Variants in ADGRG6 observed in about 807,000 individuals in gnomAD.
The protein encoded by ADGRG6 is G-protein coupled receptor 126.
Under a neutral mutation model 142.4 loss-of-function variants are expected in ADGRG6, and 84 were observed. That is an observed-to-expected ratio of 0.59 (90% CI 0.49 to 0.71). ADGRG6 has a LOEUF of 0.71. Ranked by LOEUF, ADGRG6 falls within the 30% of genes least tolerant of loss-of-function variation. The pLI, the probability that ADGRG6 is intolerant of heterozygous loss-of-function variation, is 0.00. For missense variants in ADGRG6, 1,367 were observed against 1,466.6 expected, an observed-to-expected ratio of 0.93 and a Z score of 1.11; for synonymous variants, 521 against 520.5, an observed-to-expected ratio of 1.00 and a Z score of -0.01.
At position 142,309,559 on chromosome 6, in the gene ADGRG6, T is replaced by A; in HGVS notation, c.18T>A (p.Asp6Glu). ...TTCTTTGCAGGATGTTTCGCTCAGA[T>A]CGAATGTGGAGCTGCCATTGGAAAT... The part of the protein sequence containing the change: MMFRS[D>E]RMWSCHWKWK... The change falls in exon 2 of 25, where the codon GAT (aspartate) becomes GAA (glutamate). Residue 6 changes from aspartate (D) to glutamate (E), a missense_variant. By Grantham distance (45) the Asp-to-Glu change is conservative. This residue lies in a region of ADGRG6 where 737 missense variants were observed against 746.5 expected (regional missense o/e 0.99). Coordinates refer to ENST00000367609, the MANE Select transcript of ADGRG6 (RefSeq NM_198569.3). 6.2e-7 allele frequency: 1 copy of A among 1,608,724 alleles called. No individual in the cohort carries two copies. Among genetic ancestry groups the A allele is most frequent in the Non-Finnish European group, 8.5e-7 (1 of 1,176,972 alleles).
chr6:142,319,681 A>G (rs997726585), intron 2 of ADGRG6, among the ~76,000 whole-genome samples: 23 of 152,044 alleles, frequency 1.5e-4, no homozygotes, highest in Admixed American at 5.2e-4. Flanking sequence ...AAATTTTTCC[A>G]TAAGACAGTT....
intron 4 of ADGRG6, among the ~76,000 whole-genome samples, chr6:142,376,528 A>G (rs962670263): frequency 2.0e-5 from 3 of 152,096 alleles, no homozygotes; most frequent in Admixed American, 2.0e-4. Flanking sequence ...AGGTTTCATC[A>G]ACTCTTGGAT....
At chr6:142,325,648 G>A (rs1026231259) in intron 2 of ADGRG6, among the ~76,000 whole-genome samples, 3 of 151,996 alleles carry the variant, frequency 2.0e-5, no homozygotes, top group Non-Finnish European at 4.4e-5. Context: ...CAAAATACCT[G>A]TAACCATAGC....
At chr6:142,325,623 C>G (rs965959860) in intron 2 of ADGRG6, among the ~76,000 whole-genome samples, 2 of 151,880 alleles carry the variant, frequency 1.3e-5, no homozygotes, top group African/African-American at 4.8e-5. Flanking sequence ...GTATCTGTGC[C>G]CTGTTCTTTA....
chr6:142,430,125 G>A (rs1362183175), intron 22 of ADGRG6, among the ~76,000 whole-genome samples: 1 of 152,114 alleles, frequency 6.6e-6, no homozygotes, highest in Non-Finnish European at 1.5e-5. Context: ...TAAAACACCA[G>A]TCATTACTAC....
intron 9 of ADGRG6, among the ~76,000 whole-genome samples, chr6:142,397,242 A>T (rs1246845604): frequency 3.4e-5 from 5 of 146,968 alleles, no homozygotes; most frequent in African/African-American, 1.4e-4. Context: ...TAGTTTTATT[A>T]AAAAAAATTA....
At chr6:142,358,198 G>A (rs1371963919) in intron 2 of ADGRG6, among the ~76,000 whole-genome samples, 1 of 152,192 alleles carries the variant, frequency 6.6e-6, no homozygotes, top group Non-Finnish European at 1.5e-5. Flanking sequence ...GTTCCACCCT[G>A]CAATGCTGCC....
intron 11 of ADGRG6, 100 bp from the exon 12 acceptor site, chr6:142,401,894 C>T (rs1220235845): frequency 1.7e-6 from 1 of 588,300 alleles, no homozygotes; most frequent in East Asian, 3.0e-5. Flanking sequence ...GTCCATTGAT[C>T]ATATTGTAAT....
At chr6:142,422,524 A>G (rs1212834586) in intron 22 of ADGRG6, among the ~76,000 whole-genome samples, 13 of 151,088 alleles carry the variant, frequency 8.6e-5, no homozygotes, top group South Asian at 4.2e-4. Flanking sequence ...ATAGTACTCC[A>G]TGGTGTATAT....
chr6:142,312,377 CCTT>C (rs1213193142), intron 2 of ADGRG6, among the ~76,000 whole-genome samples: 3 of 151,916 alleles, frequency 2.0e-5, no homozygotes, highest in African/African-American at 7.2e-5. Context: ...AGTTTTGTGA[CCTT>C]CTGGATTTTC....
chr6:142,318,647 T>G (rs1778363899), intron 2 of ADGRG6, among the ~76,000 whole-genome samples: 1 of 151,566 alleles, frequency 6.6e-6, no homozygotes, highest in Non-Finnish European at 1.5e-5. Context: ...ATGTTAAAAC[T>G]GTGTCTTCTG....
intron 2 of ADGRG6, among the ~76,000 whole-genome samples, chr6:142,362,603 T>C (rs113763982): frequency 6.6e-5 from 10 of 152,320 alleles, no homozygotes; most frequent in African/African-American, 2.4e-4. Flanking sequence ...CACAGCCAGA[T>C]TGCCTTGGAT....
At chr6:142,400,243 T>C (rs375132551) in intron 10 of ADGRG6, among the ~76,000 whole-genome samples, 6 of 152,220 alleles carry the variant, frequency 3.9e-5, no homozygotes, top group African/African-American at 1.4e-4. Context: ...TAACTGTGTT[T>C]TTTACTTAAG....
In ADGRG6 at chr6:142,415,911, C is replaced by A; in HGVS notation, c.2785C>A (p.Leu929Ile). ...GATCACCTCCTTCAATGTGGATGGA[C>A]TTTGCATTGCTGTTGCAGTCCTGTT... ...GWITSFNVDG[L>I]CIAVAVLLHF... The change falls in exon 20 of 25, where the codon CTT (leucine) becomes ATT (isoleucine). Residue 929 changes from leucine (L) to isoleucine (I), a missense_variant. Physicochemically the swap from Leu to Ile is conservative, Grantham distance 5 (BLOSUM62 2). Around this residue, in one of 3 missense-constraint regions of ADGRG6, gnomAD observed 286 missense variants for 371.4 expected, o/e 0.77. Coordinates refer to ENST00000367609, the MANE Select transcript of ADGRG6 (RefSeq NM_198569.3). The A allele has an allele frequency of 6.2e-7, 1 of 1,613,596 alleles. No individual in the cohort carries two copies. Among genetic ancestry groups the A allele is most frequent in the Admixed American group, 1.7e-5 (1 of 59,958 alleles).
intron 2 of ADGRG6, among the ~76,000 whole-genome samples, chr6:142,326,363 T>C (rs113367813): frequency 3.3e-3 from 507 of 152,162 alleles, no homozygotes; most frequent in Non-Finnish European, 5.7e-3. Context: ...TTCCCTTTCC[T>C]TTCTGCAAAA....
intron 2 of ADGRG6, among the ~76,000 whole-genome samples, chr6:142,329,980 T>G (rs1387366102): frequency 6.6e-6 from 1 of 152,138 alleles, no homozygotes; most frequent in African/African-American, 2.4e-5. Flanking sequence ...GTTGTGTGCT[T>G]CTTTATTTTA....
intron 22 of ADGRG6, among the ~76,000 whole-genome samples, chr6:142,431,998 A>G (rs561957843): frequency 4.4e-4 from 67 of 152,276 alleles, no homozygotes; most frequent in African/African-American, 1.4e-3. Context: ...GAACTCTATT[A>G]AAGTTTGTGA....
intron 2 of ADGRG6, among the ~76,000 whole-genome samples, chr6:142,321,474 A>G (rs899123938): frequency 5.3e-5 from 8 of 152,096 alleles, no homozygotes; most frequent in Non-Finnish European, 4.4e-5. Context: ...GTAAATACAT[A>G]AACAGATTTT....
intron 2 of ADGRG6, among the ~76,000 whole-genome samples, chr6:142,312,047 T>A (rs1777794083): frequency 6.6e-6 from 1 of 151,970 alleles, no homozygotes; most frequent in Non-Finnish European, 1.5e-5. Context: ...TACCACCTCA[T>A]GTAATCCTTC....
Sources: gnomAD v4.1 joint callset for allele counts (sites outside exome capture counted in the v4.1 genomes callset) on GRCh38, gnomAD v4.1.1 for gene constraint, gnomAD v4.1.1 regional missense constraint, MANE v1.5 for transcripts, NCBI Gene and HGNC (gene_info 2026-07-23, HGNC 2026-07-21) for gene names.